DNAH5: variants seen among roughly 807,000 people sequenced by gnomAD.
DNAH5 encodes dynein axonemal heavy chain 5.
In DNAH5, 372 loss-of-function variants were observed where a neutral mutation model predicts 518.2. That is an observed-to-expected ratio of 0.72 (90% CI 0.66 to 0.78). The LOEUF (loss-of-function observed/expected upper bound fraction) is 0.78, where lower values mean the gene tolerates loss of function less well. Among genes scored for constraint, DNAH5 ranks in the 30% least tolerant of loss-of-function variants. The pLI, the probability that DNAH5 is intolerant of heterozygous loss-of-function variation, is 0.00. For missense variants in DNAH5, 5,523 were observed against 5,687.0 expected (o/e 0.97, Z 0.93); for synonymous variants, 2,039 against 2,025.9 (o/e 1.01, Z -0.17).
intron 7 of DNAH5, among the ~76,000 whole-genome samples, chr5:13,918,745 G>A (rs1218204495): frequency 1.3e-5 from 2 of 152,202 alleles, no homozygotes; most frequent in Non-Finnish European, 2.9e-5. Context: ...TGGGATTACA[G>A]GCGTGAGCCA....
chr5:13,913,645 G>A (rs1776290271), intron 11 of DNAH5, 98 bp downstream of exon 11: 2 of 1,396,560 alleles, frequency 1.4e-6, no homozygotes, highest in Admixed American at 2.0e-5. Flanking sequence ...TTACTTTACA[G>A]ACTGATGATT....
Position 13,840,939 on chromosome 5 carries a change from A to T in DNAH5, c.5676T>A (p.Ile1892=), listed in dbSNP as rs144828347. 335 of 1,614,018 alleles carry T rather than the reference A, an allele frequency of 2.1e-4. No individual in the cohort carries two copies. The highest frequency in any genetic ancestry group is 2.7e-4 in the Non-Finnish European group (320 of 1,179,988). Residue 1892 remains isoleucine (I), a synonymous_variant, in exon 34 of 79, where the codon ATT becomes ATA. Transcript: ENST00000265104. ...ERVKYETLIT[I]HVHQRDIFDD... ...CAAAGATATCCCTTTGGTGCACATG[A>T]ATAGTAATCAGAGTCTCGTATTTCA...
intron 1 of DNAH5, among the ~76,000 whole-genome samples, chr5:14,002,335 G>A (rs1042974910): frequency 6.6e-6 from 1 of 152,038 alleles, no homozygotes; most frequent in Non-Finnish European, 1.5e-5. Context: ...TTATGTTTGG[G>A]GAGTTTTTCT....
intron 66 of DNAH5, 76 bp from the exon 67 acceptor site, chr5:13,736,008 A>G: frequency 8.3e-7 from 1 of 1,210,520 alleles, no homozygotes; most frequent in Non-Finnish European, 1.2e-6. Context: ...ATCAGCCTAA[A>G]CTCTAAATGA....
chr5:13,842,418 AAAAGAAAAGAAAG>A (rs1487528953), intron 32 of DNAH5, among the ~76,000 whole-genome samples: 6 of 121,848 alleles, frequency 4.9e-5, no homozygotes, highest in South Asian at 2.7e-4. Flanking sequence ...GAAAGAAAAG[AAAAGAAAAGAAAG>A]AAAGAAAGAA....
At chr5:13,747,734 GT>G (rs1246958138) in intron 65 of DNAH5, among the ~76,000 whole-genome samples, 1 of 152,010 alleles carries the variant, frequency 6.6e-6, no homozygotes, top group Non-Finnish European at 1.5e-5. Context: ...TGATGGGGTT[GT>G]TTTTTTCTTG....
intron 1 of DNAH5, among the ~76,000 whole-genome samples, chr5:13,980,026 G>T (rs1049281197): frequency 1.3e-5 from 2 of 151,994 alleles, no homozygotes; most frequent in African/African-American, 4.8e-5. Flanking sequence ...TTAAAGTAGA[G>T]ATAGGGTTTC....
intron 1 of DNAH5, among the ~76,000 whole-genome samples, chr5:14,001,673 C>CTTTTTTTTTTTTTTTT (rs546288163): frequency 1.8e-5 from 1 of 57,140 alleles, no homozygotes. Flanking sequence ...TAGTTTTTTT[C>CTTTTTTTTTTTTTTTT]TTTTCTTTTT....
chr5:14,006,152 C>CTGAA (rs1008262993), intron 1 of DNAH5, among the ~76,000 whole-genome samples: 14 of 152,322 alleles, frequency 9.2e-5, no homozygotes, highest in African/African-American at 3.4e-4. Context: ...GACCTTCGCT[C>CTGAA]TGAATGACTT....
intron 30 of DNAH5, among the ~76,000 whole-genome samples, 179 bp from the exon 31 acceptor site, chr5:13,850,994 A>G (rs1355326995): frequency 6.6e-6 from 1 of 152,200 alleles, no homozygotes; most frequent in African/African-American, 2.4e-5. Flanking sequence ...GTGCCATATC[A>G]TCCCCTGTAT....
intron 32 of DNAH5, among the ~76,000 whole-genome samples, chr5:13,844,213 T>C (rs1561412056): frequency 6.6e-6 from 1 of 152,174 alleles, no homozygotes; most frequent in Non-Finnish European, 1.5e-5. Context: ...TAACACCACA[T>C]GCTAGGATGA....
intron 52 of DNAH5, among the ~76,000 whole-genome samples, chr5:13,782,558 C>T (rs1034766703): frequency 9.2e-5 from 14 of 152,258 alleles, no homozygotes; most frequent in Admixed American, 5.2e-4. Flanking sequence ...GAGGCACAGA[C>T]GGTGGGTAAG....
chr5:13,835,762 CCTCT>C lies in DNAH5; in HGVS notation c.5882+3590_5882+3593del, dbSNP rs142637564. ...TCTCTCTCTGCTCGGAGCACCCCTC[CCTCT>C]GTCTCTGTACTGGGGAGCTTTTTCC... is the stretch of plus-strand genomic sequence containing the variant. On this transcript the variant is annotated intron_variant, in intron 35 of 78. Coordinates refer to ENST00000265104, the MANE Select transcript of DNAH5 (RefSeq NM_001369.3). Among the ~76,000 whole-genome samples, 786 of 152,280 alleles carry C rather than the reference CCTCT, an allele frequency of 5.2e-3. 11 individuals carry two copies. Among genetic ancestry groups the C allele is most frequent in the African/African-American group, 0.018 (752 of 41,540 alleles).
At chr5:13,932,687 C>T (rs552948815) in intron 1 of DNAH5, among the ~76,000 whole-genome samples, 2 of 152,298 alleles carry the variant, frequency 1.3e-5, no homozygotes, top group East Asian at 3.9e-4. Context: ...ACTGAAAAAT[C>T]CATCATTCTG....
At chr5:14,001,688 T>TG (rs1784366301) in intron 1 of DNAH5, among the ~76,000 whole-genome samples, 1 of 151,750 alleles carries the variant, frequency 6.6e-6, no homozygotes, top group East Asian at 1.9e-4. Context: ...CTTTTTTTTT[T>TG]TTTAAGGATA....
At chr5:13,895,788 AT>A (rs1773849445) in intron 15 of DNAH5, among the ~76,000 whole-genome samples, 1 of 152,140 alleles carries the variant, frequency 6.6e-6, no homozygotes, top group Non-Finnish European at 1.5e-5. Flanking sequence ...TATAGCAGAC[AT>A]TTCAAACTTA....
chr5:14,011,324 G>C (rs569543409), intron 1 of DNAH5, among the ~76,000 whole-genome samples: 3 of 152,154 alleles, frequency 2.0e-5, no homozygotes, highest in Admixed American at 6.5e-5. Context: ...GACAACCAAT[G>C]GCCTTTTCAG....
chr5:13,778,576 A>AAG (rs1430632711), intron 53 of DNAH5, among the ~76,000 whole-genome samples: 1 of 74,008 alleles, frequency 1.4e-5, no homozygotes, highest in African/African-American at 5.2e-5. Context: ...GAAAGAAAGA[A>AAG]AGAAAGAAAG....
intron 1 of DNAH5, among the ~76,000 whole-genome samples, chr5:14,002,366 T>G (rs1040463708): frequency 3.3e-5 from 5 of 152,172 alleles, no homozygotes; most frequent in African/African-American, 9.7e-5. Context: ...TGTTTTTATG[T>G]TTTTTTCTAA....
Sources: gnomAD v4.1 joint callset for allele counts (sites outside exome capture counted in the v4.1 genomes callset) on GRCh38, gnomAD v4.1.1 for gene constraint, MANE v1.5 for transcripts, NCBI Gene and HGNC (gene_info 2026-07-23, HGNC 2026-07-21) for gene names.